AUTS2: variants seen among roughly 807,000 people sequenced by gnomAD.
AUTS2 encodes activator of transcription and developmental regulator AUTS2.
Under a neutral mutation model 112.4 loss-of-function variants are expected in AUTS2, and 17 were observed. The ratio of observed to expected loss-of-function variants is 0.15; its 90% CI spans 0.10 to 0.23. The LOEUF (loss-of-function observed/expected upper bound fraction) is 0.23. AUTS2 is among the 10% of genes least tolerant of loss of function. The pLI is 1.00. For synonymous variants in AUTS2, 751 were observed against 702.7 expected, an observed-to-expected ratio of 1.07 and a Z score of -1.09; for missense variants, 1,510 against 1,701.6, an observed-to-expected ratio of 0.89 and a Z score of 1.98.
intron 4 of AUTS2, among the ~76,000 whole-genome samples, chr7:70,163,869 G>C (rs1159280445): frequency 6.6e-6 from 1 of 152,176 alleles, no homozygotes; most frequent in Non-Finnish European, 1.5e-5. Flanking sequence ...TTGAGTCCCA[G>C]ATGTGCAGGG....
At chr7:70,510,561 G>A (rs1456982868) in intron 5 of AUTS2, among the ~76,000 whole-genome samples, 4 of 152,142 alleles carry the variant, frequency 2.6e-5, no homozygotes, top group African/African-American at 9.7e-5. Context: ...GACATTATTT[G>A]CCTTTCTCAC....
chr7:70,556,073 T>A (rs1407269307), intron 5 of AUTS2, among the ~76,000 whole-genome samples: 2 of 152,184 alleles, frequency 1.3e-5, no homozygotes, highest in African/African-American at 4.8e-5. Context: ...CCCAAAGTGC[T>A]GGGATTACAG....
At chr7:70,360,095 T>C (rs1382420780) in intron 4 of AUTS2, among the ~76,000 whole-genome samples, 1 of 152,218 alleles carries the variant, frequency 6.6e-6, no homozygotes, top group Non-Finnish European at 1.5e-5. Flanking sequence ...TTTCAAAGAA[T>C]GCTAATATTG....
At chr7:69,813,877 C>CTG (rs1193407297) in intron 1 of AUTS2, among the ~76,000 whole-genome samples, 3 of 152,198 alleles carry the variant, frequency 2.0e-5, no homozygotes, top group Non-Finnish European at 2.9e-5. Flanking sequence ...TAAGGTAGCT[C>CTG]TGTGGGCACA....
At chr7:70,469,054 G>T (rs1301026244) in intron 5 of AUTS2, among the ~76,000 whole-genome samples, 1 of 152,224 alleles carries the variant, frequency 6.6e-6, no homozygotes, top group Non-Finnish European at 1.5e-5. Flanking sequence ...ACAGAAAGTT[G>T]TGAGGAAAAC....
chr7:70,526,219 C>T (rs1028732917), intron 5 of AUTS2, among the ~76,000 whole-genome samples: 7 of 152,180 alleles, frequency 4.6e-5, no homozygotes, highest in East Asian at 1.9e-4. Flanking sequence ...ACTTGCCATA[C>T]GCAGCTGAGT....
At chr7:70,186,462 G>T (rs1478003122) in intron 4 of AUTS2, among the ~76,000 whole-genome samples, 1 of 152,104 alleles carries the variant, frequency 6.6e-6, no homozygotes, top group Non-Finnish European at 1.5e-5. Context: ...TTTAATGTTT[G>T]TTGCTTACTG....
intron 4 of AUTS2, among the ~76,000 whole-genome samples, chr7:70,386,186 T>TGG (rs1793598967): frequency 1.3e-5 from 2 of 152,142 alleles, no homozygotes; most frequent in Admixed American, 6.5e-5. Context: ...CTATATGTCT[T>TGG]CCCTGGGCCA....
intron 1 of AUTS2, among the ~76,000 whole-genome samples, chr7:69,601,897 C>T (rs936689968): frequency 6.6e-6 from 1 of 151,790 alleles, no homozygotes; most frequent in African/African-American, 2.4e-5. Context: ...TTGGAAAGTA[C>T]TTGTAAGAGC....
intron 11 of AUTS2, among the ~76,000 whole-genome samples, chr7:70,773,247 T>TG (rs538729069): frequency 6.6e-6 from 1 of 152,090 alleles, no homozygotes; most frequent in Non-Finnish European, 1.5e-5. Flanking sequence ...CTTCCTGGTG[T>TG]GGGGGGTGTT....
chr7:69,656,375 A>AC (rs1189783247), intron 1 of AUTS2, among the ~76,000 whole-genome samples: 4 of 152,228 alleles, frequency 2.6e-5, no homozygotes, highest in African/African-American at 9.6e-5. Context: ...TGCTAGGTTA[A>AC]CAGTCTCTCT....
intron 5 of AUTS2, among the ~76,000 whole-genome samples, chr7:70,584,006 A>G (rs1177373492): frequency 6.6e-6 from 1 of 152,256 alleles, no homozygotes; most frequent in Non-Finnish European, 1.5e-5. Context: ...ATTAAATTAC[A>G]GGACTGTGAC....
chr7:70,581,109 G>C (rs570857905), intron 5 of AUTS2, among the ~76,000 whole-genome samples: 1 of 152,236 alleles, frequency 6.6e-6, no homozygotes, highest in African/African-American at 2.4e-5. Flanking sequence ...AAGGCCGGGC[G>C]TAGTGGCTCA....
intron 4 of AUTS2, among the ~76,000 whole-genome samples, chr7:70,301,860 G>T (rs529580029): frequency 6.6e-6 from 1 of 152,070 alleles, no homozygotes; most frequent in Admixed American, 6.5e-5. Flanking sequence ...CCAGGCTCAA[G>T]CAATCCTCCC....
At chr7:70,132,164 T>TAAA (rs200482728) in intron 3 of AUTS2, among the ~76,000 whole-genome samples, 12 of 102,548 alleles carry the variant, frequency 1.2e-4, no homozygotes, top group South Asian at 9.7e-4. Flanking sequence ...TCTTTTCCCT[T>TAAA]AAAAAAAAAA....
intron 5 of AUTS2, among the ~76,000 whole-genome samples, chr7:70,668,173 T>C (rs933071734): frequency 7.2e-5 from 11 of 152,186 alleles, no homozygotes; most frequent in African/African-American, 2.7e-4. Context: ...AGAGATGGGT[T>C]TCACCATGTT....
chr7:70,432,575 G>A (rs376732373), intron 4 of AUTS2, among the ~76,000 whole-genome samples: 32 of 152,184 alleles, frequency 2.1e-4, no homozygotes, highest in Non-Finnish European at 3.8e-4. Flanking sequence ...CTCGCTTTCC[G>A]TCTGGGGTTG....
At chr7:70,760,802 A>G (rs184008542) in intron 6 of AUTS2, among the ~76,000 whole-genome samples, 1 of 152,358 alleles carries the variant, frequency 6.6e-6, no homozygotes, top group Admixed American at 6.5e-5. Context: ...CTTCCCAGAA[A>G]GGTTGATAAG....
At chr7:70,704,256 C>G (rs184269737) in intron 6 of AUTS2, among the ~76,000 whole-genome samples, 2 of 152,158 alleles carry the variant, frequency 1.3e-5, no homozygotes, top group African/African-American at 4.8e-5. Flanking sequence ...AATTGTGAAC[C>G]GGGTGGAAGA....
Sources: allele counts gnomAD v4.1 joint callset (sites outside exome capture counted in the v4.1 genomes callset), GRCh38; gene constraint gnomAD v4.1.1; transcripts MANE v1.5; gene names NCBI Gene and HGNC (gene_info 2026-07-23, HGNC 2026-07-21).